CEP350: variants seen among roughly 807,000 people sequenced by gnomAD.
CEP350 encodes centrosomal protein 350.
A neutral mutation model predicts 331.8 loss-of-function variants in CEP350; 126 were observed. The ratio of observed to expected loss-of-function variants is 0.38; its 90% CI spans 0.33 to 0.44. The LOEUF (loss-of-function observed/expected upper bound fraction) is 0.44. Among genes scored for constraint, CEP350 ranks in the 20% least tolerant of loss-of-function variants. The pLI is 1.00. For missense variants in CEP350, 3,406 were observed against 3,634.6 expected, an observed-to-expected ratio of 0.94 and a Z score of 1.62; for synonymous variants, 1,200 against 1,259.5, an observed-to-expected ratio of 0.95 and a Z score of 1.00.
At chr1:180,013,805 G>A (rs767791645) in intron 9 of CEP350, 42 bp from the exon 10 acceptor site, 7 of 1,502,674 alleles carry the variant, frequency 4.7e-6, no homozygotes, top group South Asian at 1.3e-5. Context: ...TTAGGAATGA[G>A]TATAGAATTT....
chr1:180,075,650 G>A (rs1436540491), intron 28 of CEP350, among the ~76,000 whole-genome samples: 1 of 151,366 alleles, frequency 6.6e-6, no homozygotes, highest in African/African-American at 2.4e-5. Context: ...AAATGCTGGA[G>A]AAATTAGAAA....
At position 180,080,552 on chromosome 1, in the gene CEP350, G is replaced by A; in HGVS notation, c.6015G>A (p.Gln2005=). 6.2e-7 allele frequency: 1 copy of A among 1,613,788 alleles called. No homozygotes were observed. The highest frequency in any genetic ancestry group is 8.5e-7 in the Non-Finnish European group (1 of 1,179,720). The change falls in exon 30 of 38, where the codon CAG becomes CAA. Residue 2005 remains glutamine (Q), a synonymous_variant. Coordinates refer to ENST00000367607, the MANE Select transcript of CEP350 (RefSeq NM_014810.5). The part of the protein sequence containing the change: ...LPKSCTSVSK[Q]ESSKGSHRTG... ...AAAGCTGCACATCTGTGTCAAAGCA[G>A]GAGTCTAGCAAAGGAAGTCATAGGA...
Position 180,111,254 on chromosome 1 carries a change from C to T in CEP350, c.*93C>T. ...ACCCATCGCCATCATAGCAAGAGTG[C>T]TTCTGGACCTTGTACTTATTCTTAA... On this transcript the variant is annotated 3_prime_UTR_variant, in exon 38 of 38. Transcript: ENST00000367607. The T allele has an allele frequency of 7.0e-7, 1 of 1,428,954 alleles. No individual in the cohort carries two copies. The highest frequency in any genetic ancestry group is 9.6e-7 in the Non-Finnish European group (1 of 1,046,532). 88.5% of individuals were successfully genotyped at this position (1,428,954 alleles called of 1,614,324 possible).
intron 1 of CEP350, among the ~76,000 whole-genome samples, chr1:179,962,725 A>G (rs1179005067): frequency 6.6e-6 from 1 of 152,144 alleles, no homozygotes; most frequent in Non-Finnish European, 1.5e-5. Flanking sequence ...TCTACTGTTG[A>G]TAGGTACTTA....
intron 5 of CEP350, among the ~76,000 whole-genome samples, chr1:179,993,585 A>C (rs1169268034): frequency 6.6e-6 from 1 of 151,922 alleles, no homozygotes; most frequent in East Asian, 1.9e-4. Context: ...ATGACCGACT[A>C]ATTTTTTTTT....
chr1:179,980,106 C>T (rs534956904), intron 1 of CEP350, among the ~76,000 whole-genome samples: 178 of 152,042 alleles, frequency 1.2e-3, no homozygotes, highest in Non-Finnish European at 2.0e-3. Flanking sequence ...TGTATTGAAC[C>T]TGTAGATCAC....
At chr1:180,040,646 A>G (rs1426816014) in intron 17 of CEP350, among the ~76,000 whole-genome samples, 3 of 148,844 alleles carry the variant, frequency 2.0e-5, no homozygotes, top group Non-Finnish European at 4.4e-5. Flanking sequence ...ATGAAAAAAA[A>G]AATATATATA....
chr1:180,028,058 CTG>C (rs1655792239), intron 14 of CEP350, among the ~76,000 whole-genome samples: 1 of 152,176 alleles, frequency 6.6e-6, no homozygotes, highest in African/African-American at 2.4e-5. Context: ...ACTTCCGAAA[CTG>C]TATTTTCTTG....
intron 33 of CEP350, among the ~76,000 whole-genome samples, chr1:180,092,257 C>T (rs1011566905): frequency 6.6e-6 from 1 of 152,162 alleles, no homozygotes; most frequent in Non-Finnish European, 1.5e-5. Flanking sequence ...TTCTCCTTCA[C>T]TAGTTTCCTG....
intron 25 of CEP350, among the ~76,000 whole-genome samples, chr1:180,060,693 G>A (rs185614315): frequency 8.0e-4 from 121 of 151,842 alleles, no homozygotes; most frequent in Admixed American, 4.5e-3. Context: ...ATGGGTAAGA[G>A]ATAAATATAT....
At chr1:180,065,984 T>C (rs1658527365) in intron 27 of CEP350, among the ~76,000 whole-genome samples, 3 of 152,162 alleles carry the variant, frequency 2.0e-5, no homozygotes, top group Admixed American at 1.3e-4. Flanking sequence ...TTCAAATAGA[T>C]GAAATTTTAA....
In CEP350 at chr1:179,962,143, G is replaced by A. The variant is rs184090305; in HGVS notation, c.-14+7001G>A. Among the ~76,000 whole-genome samples, 54 of 152,122 alleles carry A rather than the reference G, an allele frequency of 3.5e-4. 1 individual carries two copies. In the East Asian group the frequency reaches 8.5e-3, roughly 24 times the overall value. ...ATTACAGGCGTGAGCCACCACGCCC[G>A]GCCCTTTCCCACTTTTGGAATCCAC... On this transcript the variant is annotated intron_variant, in intron 1 of 37. Coordinates refer to ENST00000367607, the MANE Select transcript of CEP350 (RefSeq NM_014810.5).
chr1:180,075,180 C>A lies in CEP350; in HGVS notation c.5726C>A (p.Thr1909Asn). The A allele has an allele frequency of 6.2e-7, 1 of 1,613,168 alleles. No individual in the cohort carries two copies. Among genetic ancestry groups the A allele is most frequent in the Non-Finnish European group, 8.5e-7 (1 of 1,179,560 alleles). ...GACAAAGAATTAATAAAACCCAAAA[C>A]TCCTAAGAAAGAACTGGAGGACCAG... ...AWDKELIKPK[T>N]PKKELEDQRT... Residue 1909 changes from threonine to asparagine, a missense_variant, in exon 28 of 38, where the codon ACT becomes AAT. Physicochemically the swap from Thr to Asn is moderately conservative, Grantham distance 65 (BLOSUM62 0). This residue lies in a region of CEP350 where 1,415 missense variants were observed against 1,512.3 expected (regional missense o/e 0.94). Coordinates refer to ENST00000367607, the MANE Select transcript of CEP350 (RefSeq NM_014810.5).
intron 8 of CEP350, among the ~76,000 whole-genome samples, chr1:180,008,774 A>C (rs950613791): frequency 6.6e-6 from 1 of 152,182 alleles, no homozygotes; most frequent in Non-Finnish European, 1.5e-5. Flanking sequence ...AAGTATGATT[A>C]GTGCTGCGGT....
chr1:180,063,434 C>G (rs1168332701), intron 26 of CEP350, among the ~76,000 whole-genome samples: 1 of 151,758 alleles, frequency 6.6e-6, no homozygotes, highest in Non-Finnish European at 1.5e-5. Flanking sequence ...CTCAAGCAAT[C>G]CATCTGCCTC....
chr1:180,064,707 A>T (rs749325807), intron 26 of CEP350, among the ~76,000 whole-genome samples: 3 of 152,186 alleles, frequency 2.0e-5, no homozygotes. Flanking sequence ...TACATCTTCC[A>T]GTCATTCTTT....
At chr1:180,053,489 G>C (rs1375869186) in intron 23 of CEP350, among the ~76,000 whole-genome samples, 1 of 151,984 alleles carries the variant, frequency 6.6e-6, no homozygotes, top group Non-Finnish European at 1.5e-5. Context: ...AATCCTCTTG[G>C]TTAAGAGGAA....
chr1:180,041,358 T>C (rs927312072), intron 18 of CEP350, 110 bp downstream of exon 18: 6 of 789,404 alleles, frequency 7.6e-6, no homozygotes, highest in African/African-American at 7.0e-5. Context: ...ATATAAATAA[T>C]AAAGTTTTAG....
intron 25 of CEP350, 31 bp from the exon 26 acceptor site, chr1:180,062,189 T>G (rs1658268152): frequency 6.5e-7 from 1 of 1,537,310 alleles, no homozygotes; most frequent in African/African-American, 1.4e-5. Flanking sequence ...TCTCCCAATC[T>G]TAATCCCTCT....
Sources: gnomAD v4.1 joint callset for allele counts (sites outside exome capture counted in the v4.1 genomes callset) on GRCh38, gnomAD v4.1.1 for gene constraint, gnomAD v4.1.1 regional missense constraint, MANE v1.5 for transcripts, NCBI Gene and HGNC (gene_info 2026-07-23, HGNC 2026-07-21) for gene names.